Variants in AXIN2 observed in about 807,000 individuals in gnomAD.
The protein encoded by AXIN2 is axin 2, also known as axin-2.
In AXIN2, 21 loss-of-function variants were observed where a neutral mutation model predicts 74.7. That is an observed-to-expected ratio of 0.28 (90% CI 0.20 to 0.40). The LOEUF (loss-of-function observed/expected upper bound fraction) is 0.40. Ranked by LOEUF, AXIN2 falls within the 10% of genes least tolerant of loss-of-function variation. AXIN2 has a pLI of 1.00. For missense variants in AXIN2, 1,144 were observed against 1,111.1 expected, an observed-to-expected ratio of 1.03 and a Z score of -0.42; for synonymous variants, 532 against 454.9, an observed-to-expected ratio of 1.17 and a Z score of -2.16.
At chr17:65,540,110 C>T (rs1018507137) in intron 4 of AXIN2, among the ~76,000 whole-genome samples, 14 of 152,294 alleles carry the variant, frequency 9.2e-5, no homozygotes, top group African/African-American at 3.1e-4. Flanking sequence ...GAACAGCTAC[C>T]CTCCAGGGCT....
intron 10 of AXIN2, among the ~76,000 whole-genome samples, chr17:65,532,764 C>A (rs373311408): frequency 1.3e-5 from 2 of 152,224 alleles, no homozygotes; most frequent in African/African-American, 4.8e-5. Flanking sequence ...TCCACTCACA[C>A]CCCTGGCCCT....
At position 65,538,323 on chromosome 17, in the gene AXIN2, C is replaced by G; in HGVS notation, c.1080G>C (p.Lys360Asn). Reference sequence around the variant, plus strand: ...TGGCGGGTTCCACGGGGGTCATCTCCTTGGGCAGGCGGTGGGTTCTCTACA... The same window carrying G: ...TGGCGGGTTCCACGGGGGTCATCTCGTTGGGCAGGCGGTGGGTTCTCTACA... ...PHFPRTHRLP[K>N]EMTPVEPATF... The change falls in exon 5 of 11, where the codon AAG (lysine) becomes AAC (asparagine). Residue 360 changes from lysine to asparagine, a missense_variant. By Grantham distance (94) the Lys-to-Asn change is moderately conservative (BLOSUM62 0). Transcript: ENST00000307078. 1 of 1,614,198 alleles carries G rather than the reference C, an allele frequency of 6.2e-7. No homozygotes were observed. Among genetic ancestry groups the G allele is most frequent in the Non-Finnish European group, 8.5e-7 (1 of 1,180,040 alleles).
intron 7 of AXIN2, 102 bp from the exon 8 acceptor site, chr17:65,536,655 G>T: frequency 6.9e-7 from 1 of 1,440,592 alleles, no homozygotes; most frequent in Non-Finnish European, 9.7e-7. Context: ...TGCTCAGAGA[G>T]AGAGTTAAAA....
intron 1 of AXIN2, chr17:65,560,406 TGGGGCGGAGGAGAGGCGG>T (rs1161583282): frequency 1.3e-4 from 2 of 15,402 alleles, no homozygotes; most frequent in African/African-American, 2.9e-4. Context: ...GAGGAGAGGA[TGGGGCGGAGGAGAGGCGG>T]GGGGCGGGGG....
At position 65,536,573 on chromosome 17, in the gene AXIN2, AG is replaced by A. The variant is rs768882044; in HGVS notation, c.1908-21del. 1 of 1,612,536 alleles carries A rather than the reference AG, an allele frequency of 6.2e-7. No individual in the cohort carries two copies. The highest frequency in any genetic ancestry group is 8.5e-7 in the Non-Finnish European group (1 of 1,179,002). ...TGGGCACTAAACAAGGAATGAGCAG[AG>A]AGAAAACAGAAGGAAAGAAACTGGG... On this transcript the variant is annotated intron_variant, in intron 7 of 10. Coordinates refer to ENST00000307078, the MANE Select transcript of AXIN2 (RefSeq NM_004655.4).
intron 4 of AXIN2, 89 bp downstream of exon 4, chr17:65,541,366 A>G (rs1340424658): frequency 4.1e-6 from 5 of 1,208,574 alleles, no homozygotes; most frequent in Admixed American, 3.4e-5. Flanking sequence ...TACCTTCCCT[A>G]TACCTCTCCC....
Position 65,537,032 on chromosome 17 carries a change from T to A in AXIN2, c.1744A>T (p.Asn582Tyr). ...AGGCCCGGCTCCGTGCCTTTCCCAT[T>A]GCGTTTGGGCAAGGTACTGCCTCTG... ...GSRGSTLPKR[N>Y]GKGTEPGLAL... The change falls in exon 7 of 11, where the codon AAT becomes TAT. Residue 582 changes from asparagine (N) to tyrosine (Y), a missense_variant. Physicochemically the swap from Asn to Tyr is moderately radical, Grantham distance 143. Transcript: ENST00000307078. 6.2e-7 allele frequency: 1 copy of A among 1,609,186 alleles called. No homozygotes were observed. The highest frequency in any genetic ancestry group is 8.5e-7 in the Non-Finnish European group (1 of 1,179,846).
At position 65,548,660 on chromosome 17, in the gene AXIN2, A is replaced by G. The variant is rs527899027; in HGVS notation, c.956+860T>C. On this transcript the variant is annotated intron_variant, in intron 3 of 10. Coordinates refer to ENST00000307078, the MANE Select transcript of AXIN2 (RefSeq NM_004655.4). ...CTGGGTCTCCTGAACCAAAACCTCAAAGGACAGCCGGAGACAGGGATACCC... is the reference window on the plus strand; with the variant it reads ...CTGGGTCTCCTGAACCAAAACCTCAGAGGACAGCCGGAGACAGGGATACCC... 5.8e-4 allele frequency among the ~76,000 whole-genome samples: 88 copies of G among 152,280 alleles called. 1 individual carries two copies. The highest frequency in any genetic ancestry group is 2.0e-3 in the African/African-American group (82 of 41,540).
At chr17:65,548,444 C>T (rs1053130508) in intron 3 of AXIN2, among the ~76,000 whole-genome samples, 1 of 152,232 alleles carries the variant, frequency 6.6e-6, no homozygotes, top group African/African-American at 2.4e-5. Context: ...GGAACAAACT[C>T]TAAATAAGTG....
At chr17:65,536,043 G>A (rs2043907420) in intron 8 of AXIN2, among the ~76,000 whole-genome samples, 2 of 152,184 alleles carry the variant, frequency 1.3e-5, no homozygotes, top group Admixed American at 6.5e-5. Context: ...CATTTGTAAG[G>A]AATGGGATTT....
chr17:65,538,234 C>T lies in AXIN2; in HGVS notation c.1169G>A (p.Ser390Asn), dbSNP rs778900546. The T allele has an allele frequency of 1.9e-6, 3 of 1,614,104 alleles. No homozygotes were observed. The highest frequency in any genetic ancestry group is 2.2e-5 in the South Asian group (2 of 91,092). Residue 390 changes from serine (S) to asparagine (N), a missense_variant, in exon 5 of 11, where the codon AGC becomes AAC. Transcript: ENST00000307078. The stretch of plus-strand genomic sequence containing the variant: ...GATCTGCTGCAGGCGCTCCTCCAGG[C>T]TGTGGCGGCTCTCCAACTCCAGCTT... ...KLKLELESRH[S>N]LEERLQQIRE...
At position 65,537,401 on chromosome 17, in the gene AXIN2, C is replaced by T. The variant is rs778710067; in HGVS notation, c.1635G>A (p.Gly545=). 6.3e-5 allele frequency: 101 copies of T among 1,613,938 alleles called. No individual in the cohort carries two copies. Among genetic ancestry groups the T allele is most frequent in the Non-Finnish European group, 7.8e-5 (92 of 1,180,030 alleles). ...TCGAGTAGCAGTAATACTCGCTGCC[C>T]CCAGGGCAGAAGCAGTGCACCCGCT... The part of the protein sequence containing the change: ...ATQRVHCFCP[G]GSEYYCYSKC... The change falls in exon 6 of 11, where the codon GGG becomes GGA. Residue 545 remains glycine, a synonymous_variant. Transcript: ENST00000307078.
Position 65,538,299 on chromosome 17 carries a change from G to A in AXIN2, c.1104C>T (p.Ala368=), listed in dbSNP as rs2144477944. 6.2e-7 allele frequency: 1 copy of A among 1,614,214 alleles called. No homozygotes were observed. The highest frequency in any genetic ancestry group is 8.5e-7 in the Non-Finnish European group (1 of 1,180,042). Residue 368 remains alanine (A), a synonymous_variant, in exon 5 of 11, where the codon GCC becomes GCT. Transcript: ENST00000307078. ...TCGAGATCAGCTCAGCTGCAAAGGT[G>A]GCGGGTTCCACGGGGGTCATCTCCT... ...LPKEMTPVEP[A]TFAAELISRL...
chr17:65,530,011 C>T lies in AXIN2; in HGVS notation c.2497G>A (p.Gly833Ser). 1.2e-6 allele frequency: 2 copies of T among 1,614,248 alleles called. No homozygotes were observed. Among genetic ancestry groups the T allele is most frequent in the Non-Finnish European group, 1.7e-6 (2 of 1,180,048 alleles). Residue 833 changes from glycine (G) to serine (S), a missense_variant, in exon 11 of 11, where the codon GGC becomes AGC. Physicochemically the swap from Gly to Ser is moderately conservative, Grantham distance 56. Around this residue, in one of 4 missense-constraint regions of AXIN2, gnomAD observed 65 missense variants for 95.7 expected, o/e 0.68. Transcript: ENST00000307078. ...CGCTCCACTTTGCCCAGAATCCGGC[C>T]TTCATACATCGGGAGCACCGTCTCA... ...EDETVLPMYE[G>S]RILGKVERID is the part of the protein sequence containing the mutation.
intron 3 of AXIN2, among the ~76,000 whole-genome samples, chr17:65,548,965 G>A (rs1419582310): frequency 2.0e-5 from 3 of 152,160 alleles, no homozygotes; most frequent in Admixed American, 6.6e-5. Context: ...CACACTTACT[G>A]AATAAACGAT....
intron 4 of AXIN2, 118 bp from the exon 5 acceptor site, chr17:65,538,461 G>GTGGA: frequency 7.2e-7 from 1 of 1,396,054 alleles, no homozygotes; most frequent in African/African-American, 1.4e-5. Flanking sequence ...CGGGTGTAGA[G>GTGGA]TGGATGGCAA....
chr17:65,535,585 G>A, intron 9 of AXIN2, 41 bp downstream of exon 9: 2 of 1,567,912 alleles, frequency 1.3e-6, no homozygotes, highest in Non-Finnish European at 1.8e-6. Context: ...GAAACATAAA[G>A]CACTCGGCAG....
rs759790948 is a variant in AXIN2, at chr17:65,537,780, G to A, written c.1256C>T (p.Thr419Met). The change falls in exon 6 of 11, where the codon ACG becomes ATG. Residue 419 changes from threonine to methionine, a missense_variant. Physicochemically the swap from Thr to Met is moderately conservative, Grantham distance 81 (BLOSUM62 -1). This residue lies in a region of AXIN2 where 1,053 missense variants were observed against 973.5 expected (regional missense o/e 1.08). Transcript: ENST00000307078. ...GGGCAGTAGGGAGAGGGGGTGCTGCGTGGGCGCCCCCTCCCGCGAATTGAG... is the reference window on the plus strand; with the variant it reads ...GGGCAGTAGGGAGAGGGGGTGCTGCATGGGCGCCCCCTCCCGCGAATTGAG... Reference protein sequence around the residue: ...LTLNSREGAPTQHPLSLLPSG... With the variant: ...LTLNSREGAPMQHPLSLLPSG... 1.1e-5 allele frequency: 17 copies of A among 1,588,770 alleles called. 1 individual carries two copies. The highest frequency in any genetic ancestry group is 3.3e-4 in the Middle Eastern group (2 of 6,016).
intron 3 of AXIN2, among the ~76,000 whole-genome samples, chr17:65,549,239 A>C (rs1253112557): frequency 6.6e-6 from 1 of 152,198 alleles, no homozygotes; most frequent in Non-Finnish European, 1.5e-5. Flanking sequence ...AGGAATCTAT[A>C]AATATTCATT....
Sources: allele counts gnomAD v4.1 joint callset (sites outside exome capture counted in the v4.1 genomes callset), GRCh38; gene constraint gnomAD v4.1.1; regional missense constraint gnomAD v4.1.1; transcripts MANE v1.5; gene names NCBI Gene and HGNC (gene_info 2026-07-23, HGNC 2026-07-21).